The following RASSF8 variants were observed in gnomAD, a reference collection of about 807,000 sequenced individuals.
RASSF8 encodes the protein Ras association domain family member 8.
Under a neutral mutation model 48.5 loss-of-function variants are expected in RASSF8, and 22 were observed. That is an observed-to-expected ratio of 0.45 (90% CI 0.32 to 0.65). RASSF8 has a LOEUF of 0.65. Among genes scored for constraint, RASSF8 ranks in the 30% least tolerant of loss-of-function variants. The pLI is 0.03. For missense variants in RASSF8, 418 were observed against 489.2 expected (o/e 0.85, Z 1.37); for synonymous variants, 127 against 171.5 (o/e 0.74, Z 2.03).
chr12:26,006,426 A>C (rs1942393445), intron 2 of RASSF8, among the ~76,000 whole-genome samples: 1 of 152,208 alleles, frequency 6.6e-6, no homozygotes. Flanking sequence ...TGGATGTTTG[A>C]AGACTAAATT....
At chr12:26,017,781 C>G (rs763653849) in intron 2 of RASSF8, among the ~76,000 whole-genome samples, 1 of 152,236 alleles carries the variant, frequency 6.6e-6, no homozygotes, top group Non-Finnish European at 1.5e-5. Context: ...GCTCCTCTTG[C>G]CCTTTCCTGT....
chr12:25,988,568 AT>A (rs1360645100), intron 1 of RASSF8, among the ~76,000 whole-genome samples: 1 of 152,174 alleles, frequency 6.6e-6, no homozygotes, highest in East Asian at 1.9e-4. Context: ...AATAAAAAAA[AT>A]TTCTTTCATT....
chr12:26,042,546 A>T (rs1943287709), intron 2 of RASSF8, among the ~76,000 whole-genome samples: 1 of 152,048 alleles, frequency 6.6e-6, no homozygotes, highest in African/African-American at 2.4e-5. Flanking sequence ...GTTTTTAGGG[A>T]GTAAAAGGCT....
intron 1 of RASSF8, among the ~76,000 whole-genome samples, chr12:25,986,233 C>T (rs1442537552): frequency 1.3e-5 from 2 of 152,110 alleles, no homozygotes; most frequent in African/African-American, 4.8e-5. Flanking sequence ...AGATCTTCTT[C>T]CTCCAGGCTC....
intron 2 of RASSF8, among the ~76,000 whole-genome samples, chr12:26,010,025 G>A (rs1171200335): frequency 3.3e-5 from 5 of 152,184 alleles, no homozygotes; most frequent in African/African-American, 4.8e-5. Flanking sequence ...CCTGGAGTGA[G>A]GGTGAGGGGG....
intron 1 of RASSF8, among the ~76,000 whole-genome samples, chr12:25,987,847 A>G (rs1325368499): frequency 6.6e-6 from 1 of 151,724 alleles, no homozygotes; most frequent in South Asian, 2.1e-4. Flanking sequence ...TTGGTTTTTT[A>G]TTATTTATTT....
At chr12:25,961,401 G>C (rs1272796874) in intron 1 of RASSF8, among the ~76,000 whole-genome samples, 2 of 152,134 alleles carry the variant, frequency 1.3e-5, no homozygotes, top group African/African-American at 4.8e-5. Context: ...ATAAATTAAA[G>C]ATTTGGATTA....
intron 1 of RASSF8, among the ~76,000 whole-genome samples, chr12:25,988,383 GA>G (rs1438501782): frequency 6.6e-5 from 10 of 152,094 alleles, no homozygotes; most frequent in African/African-American, 1.7e-4. Flanking sequence ...TTATTGAACA[GA>G]TGGTTAATTC....
chr12:25,965,363 C>CTTTT (rs11420016), intron 1 of RASSF8, among the ~76,000 whole-genome samples: 25 of 116,880 alleles, frequency 2.1e-4, no homozygotes, highest in Admixed American at 2.9e-4. Context: ...TCCCAAATTT[C>CTTTT]TTTTTTTTTT....
intron 2 of RASSF8, among the ~76,000 whole-genome samples, chr12:26,005,279 A>G (rs771657204): frequency 1.4e-4 from 21 of 152,122 alleles, no homozygotes; most frequent in Non-Finnish European, 2.2e-4. Context: ...AATAGTTTGC[A>G]GGTTGAATTG....
At chr12:26,058,851 T>C (rs1361289962) in intron 3 of RASSF8, among the ~76,000 whole-genome samples, 1 of 152,238 alleles carries the variant, frequency 6.6e-6, no homozygotes, top group Non-Finnish European at 1.5e-5. Context: ...GTGATGGATG[T>C]AGGACACATG....
At chr12:25,981,275 A>G (rs1193501730) in intron 1 of RASSF8, among the ~76,000 whole-genome samples, 3 of 152,148 alleles carry the variant, frequency 2.0e-5, no homozygotes, top group Non-Finnish European at 4.4e-5. Flanking sequence ...GTCTAGTGGC[A>G]GTGGGCTGGG....
At chr12:25,994,592 T>A (rs958322405) in intron 1 of RASSF8, among the ~76,000 whole-genome samples, 3 of 152,200 alleles carry the variant, frequency 2.0e-5, no homozygotes, top group Non-Finnish European at 4.4e-5. Flanking sequence ...TTTTTGTTTT[T>A]ATTTTTTAGG....
intron 2 of RASSF8, among the ~76,000 whole-genome samples, chr12:26,046,324 A>G (rs1329802205): frequency 6.6e-6 from 1 of 152,208 alleles, no homozygotes; most frequent in African/African-American, 2.4e-5. Flanking sequence ...TATTTCATGA[A>G]TAGAAGTAAC....
intron 3 of RASSF8, among the ~76,000 whole-genome samples, chr12:26,055,785 C>T (rs1481572829): frequency 6.6e-6 from 1 of 152,200 alleles, no homozygotes; most frequent in African/African-American, 2.4e-5. Context: ...TTCCCAGAAT[C>T]CCTCATTAGG....
chr12:26,001,642 A>G (rs1942261034), intron 2 of RASSF8, among the ~76,000 whole-genome samples: 2 of 152,256 alleles, frequency 1.3e-5, no homozygotes, highest in East Asian at 1.9e-4. Flanking sequence ...GAGATTACCA[A>G]TATCACTTTT....
At position 26,018,631 on chromosome 12, in the gene RASSF8, G is replaced by A. The variant is rs909416830; in HGVS notation, c.-109+23501G>A. Among the ~76,000 whole-genome samples the A allele has an allele frequency of 3.3e-5, 5 of 152,278 alleles. No individual in the cohort carries two copies. In the East Asian group the frequency reaches 7.7e-4, roughly 23 times the overall value. The stretch of plus-strand genomic sequence containing the variant: ...TTGCGAGAACCAGCAGAAAGGGGGT[G>A]TAGGTGACCCTATGTTGTTCTTGTT... On this transcript the variant is annotated intron_variant, in intron 2 of 5. Coordinates refer to ENST00000689635, the MANE Select transcript of RASSF8 (RefSeq NM_001394098.1).
intron 2 of RASSF8, among the ~76,000 whole-genome samples, chr12:25,996,913 A>G (rs749916454): frequency 1.9e-4 from 29 of 152,272 alleles, no homozygotes; most frequent in Admixed American, 3.3e-4. Context: ...GGTCAGCAAA[A>G]CCAGCCTTGA....
intron 3 of RASSF8, among the ~76,000 whole-genome samples, chr12:26,064,020 C>T (rs1237377957): frequency 2.6e-5 from 4 of 152,082 alleles, no homozygotes; most frequent in Non-Finnish European, 5.9e-5. Context: ...AGTGGGGCCT[C>T]CAGCCCTCCC....
Sources: gnomAD v4.1 joint callset for allele counts (sites outside exome capture counted in the v4.1 genomes callset) on GRCh38, gnomAD v4.1.1 for gene constraint, MANE v1.5 for transcripts, NCBI Gene and HGNC (gene_info 2026-07-23, HGNC 2026-07-21) for gene names.